ZBTB20: variants seen among roughly 807,000 people sequenced by gnomAD.
ZBTB20 encodes zinc finger and BTB domain containing 20.
A neutral mutation model predicts 56.9 loss-of-function variants in ZBTB20; 9 were observed. The observed-to-expected ratio is 0.16, with a 90% confidence interval of 0.10 to 0.28. The LOEUF (loss-of-function observed/expected upper bound fraction) is 0.28, where lower values mean the gene tolerates loss of function less well. ZBTB20 is among the 10% of genes least tolerant of loss of function. ZBTB20 has a pLI of 1.00. For missense variants in ZBTB20, 655 were observed against 1,003.0 expected (o/e 0.65, Z 4.69); for synonymous variants, 417 against 420.7 (o/e 0.99, Z 0.11).
At chr3:114,659,734 T>G (rs62266298) in intron 6 of ZBTB20, among the ~76,000 whole-genome samples, 9,029 of 152,246 alleles carry the variant, frequency 0.059, 343 homozygotes, top group Middle Eastern at 0.14. Flanking sequence ...GAACAGTCTT[T>G]CAGTGATTTA....
At chr3:114,415,446 T>C (rs73857606) in intron 7 of ZBTB20, among the ~76,000 whole-genome samples, 4,825 of 152,208 alleles carry the variant, frequency 0.032, 261 homozygotes, top group African/African-American at 0.11. Flanking sequence ...CTACACTGTC[T>C]AGGCCTAAAT....
intron 6 of ZBTB20, among the ~76,000 whole-genome samples, chr3:114,664,629 G>A (rs1273730576): frequency 1.4e-5 from 2 of 146,752 alleles, no homozygotes; most frequent in Non-Finnish European, 3.0e-5. Flanking sequence ...ACACACACAC[G>A]TACTAGCCTA....
In ZBTB20 at chr3:114,623,893, C is replaced by T. The variant is rs547027878; in HGVS notation, c.-295+69635G>A. 5.3e-5 allele frequency among the ~76,000 whole-genome samples: 8 copies of T among 152,278 alleles called. No homozygotes were observed. In the East Asian group the frequency reaches 1.4e-3, roughly 26 times the overall value. On this transcript the variant is annotated intron_variant, in intron 6 of 11. Transcript: ENST00000675478. The stretch of plus-strand genomic sequence containing the variant: ...GGTGGCAGTATGAAACCTATGCCTA[C>T]AGGCTGCTCCTGAGCATAGCCTCAA...
chr3:115,046,573 A>C (rs1366768151), intron 2 of ZBTB20, among the ~76,000 whole-genome samples: 2 of 152,198 alleles, frequency 1.3e-5, no homozygotes, highest in Non-Finnish European at 2.9e-5. Flanking sequence ...GCTACTTAAG[A>C]ATTGATATGT....
At chr3:114,343,721 G>C (rs534033285) in intron 11 of ZBTB20, among the ~76,000 whole-genome samples, 2 of 152,338 alleles carry the variant, frequency 1.3e-5, no homozygotes, top group East Asian at 3.9e-4. Context: ...TGGCTGCAGA[G>C]TCTAGTCTCC....
chr3:114,960,503 T>C (rs1367497668), intron 3 of ZBTB20, among the ~76,000 whole-genome samples: 1 of 152,202 alleles, frequency 6.6e-6, no homozygotes, highest in East Asian at 1.9e-4. Context: ...TTAAAACATA[T>C]AGACATCAGG....
intron 4 of ZBTB20, among the ~76,000 whole-genome samples, chr3:114,830,708 CA>C (rs2073793154): frequency 6.6e-6 from 1 of 151,982 alleles, no homozygotes; most frequent in Non-Finnish European, 1.5e-5. Context: ...ATTCTTGCAG[CA>C]AATAAGTGAT....
At chr3:114,487,729 TGTTA>T (rs1447414372) in intron 7 of ZBTB20, among the ~76,000 whole-genome samples, 1 of 152,188 alleles carries the variant, frequency 6.6e-6, no homozygotes, top group Non-Finnish European at 1.5e-5. Flanking sequence ...GAGGTGATGC[TGTTA>T]GTGTGGTATT....
intron 8 of ZBTB20, among the ~76,000 whole-genome samples, chr3:114,381,941 T>C (rs2084403225): frequency 6.6e-6 from 1 of 152,210 alleles, no homozygotes; most frequent in Non-Finnish European, 1.5e-5. Context: ...GAATGGTGAC[T>C]ATGGGAGTAA....
chr3:114,655,053 A>G (rs1463577155), intron 6 of ZBTB20, among the ~76,000 whole-genome samples: 1 of 152,110 alleles, frequency 6.6e-6, no homozygotes, highest in Non-Finnish European at 1.5e-5. Flanking sequence ...GTATTCCTGT[A>G]GACAGCATAT....
intron 1 of ZBTB20, chr3:115,144,668 C>T (rs2084913291): frequency 6.6e-6 from 1 of 152,096 alleles, no homozygotes; most frequent in Non-Finnish European, 1.5e-5. Flanking sequence ...GTACACATGA[C>T]CTATATGTGC....
chr3:114,569,300 T>TG (rs2053154130), intron 6 of ZBTB20, among the ~76,000 whole-genome samples: 1 of 152,192 alleles, frequency 6.6e-6, no homozygotes, highest in Admixed American at 6.5e-5. Context: ...AGTGGATAGA[T>TG]GGGAATTCCC....
intron 7 of ZBTB20, among the ~76,000 whole-genome samples, chr3:114,443,261 T>A (rs1327549236): frequency 6.6e-6 from 1 of 152,174 alleles, no homozygotes; most frequent in African/African-American, 2.4e-5. Context: ...AAATTCGATA[T>A]CTTGACCTGC....
intron 3 of ZBTB20, among the ~76,000 whole-genome samples, chr3:114,909,605 G>A (rs1052431182): frequency 2.0e-5 from 3 of 151,770 alleles, no homozygotes; most frequent in Admixed American, 6.6e-5. Context: ...CTCCATTCAC[G>A]GTATTAATTA....
In ZBTB20 at chr3:114,389,051, A is replaced by C. The variant is rs2085499743; in HGVS notation, c.-200T>G. On this transcript the variant is annotated 5_prime_UTR_variant, in exon 8 of 12. Transcript: ENST00000675478. ...GTCACTCTTCAGGTAAATTACTCCAAGGCTTGGGCCTAGTGCAGATGTTCA... is the reference window on the plus strand; with the variant it reads ...GTCACTCTTCAGGTAAATTACTCCACGGCTTGGGCCTAGTGCAGATGTTCA... The C allele has an allele frequency of 6.6e-6, 1 of 152,248 alleles. No homozygotes were observed. Among genetic ancestry groups the C allele is most frequent in the African/African-American group, 2.4e-5 (1 of 41,452 alleles). The allele number at this position is 152,248 out of a possible 1,614,324, so 9.4% of individuals were successfully genotyped here.
chr3:115,093,169 T>C (rs2083260870), intron 1 of ZBTB20, among the ~76,000 whole-genome samples: 1 of 152,150 alleles, frequency 6.6e-6, no homozygotes, highest in Non-Finnish European at 1.5e-5. Context: ...TATTGATTAA[T>C]ACCTCCTGAT....
intron 2 of ZBTB20, among the ~76,000 whole-genome samples, chr3:114,996,957 G>A (rs1196482022): frequency 6.6e-6 from 1 of 151,882 alleles, no homozygotes; most frequent in African/African-American, 2.4e-5. Context: ...CAGTTAGAAT[G>A]GTGATCATTA....
intron 4 of ZBTB20, among the ~76,000 whole-genome samples, chr3:114,807,833 G>A (rs542528380): frequency 6.6e-6 from 1 of 152,100 alleles, no homozygotes; most frequent in Admixed American, 6.6e-5. Flanking sequence ...CACATTCCTG[G>A]GATAAATCCT....
At chr3:114,804,775 A>G (rs976580365) in intron 4 of ZBTB20, among the ~76,000 whole-genome samples, 4 of 152,048 alleles carry the variant, frequency 2.6e-5, no homozygotes, top group African/African-American at 9.6e-5. Flanking sequence ...AGCATCTGAA[A>G]GACAATCCCA....
Sources: gnomAD v4.1 joint callset for allele counts (sites outside exome capture counted in the v4.1 genomes callset) on GRCh38, gnomAD v4.1.1 for gene constraint, MANE v1.5 for transcripts, NCBI Gene and HGNC (gene_info 2026-07-23, HGNC 2026-07-21) for gene names.